Variants in AARS2 observed in about 807,000 individuals in gnomAD.
The protein encoded by AARS2 is alanyl-tRNA synthetase 2, mitochondrial.
In AARS2, 78 loss-of-function variants were observed where a neutral mutation model predicts 119.7. The observed-to-expected ratio is 0.65, with a 90% CI of 0.54 to 0.79. The LOEUF (loss-of-function observed/expected upper bound fraction) is 0.79. Ranked by LOEUF, AARS2 falls within the 30% of genes least tolerant of loss-of-function variation. The pLI, the probability that AARS2 is intolerant of heterozygous loss-of-function variation, is 0.00. For synonymous variants in AARS2, 502 were observed against 526.3 expected (o/e 0.95, Z 0.63); for missense variants, 1,157 against 1,291.3 (o/e 0.90, Z 1.59).
intron 2 of AARS2, 22 bp from the exon 3 acceptor site, chr6:44,311,557 G>T (rs751965856): frequency 1.4e-5 from 23 of 1,609,114 alleles, no homozygotes; most frequent in Non-Finnish European, 2.0e-5. Flanking sequence ...ACCAGCATGG[G>T]GTGGGGGGGG....
chr6:44,305,428 C>A lies in AARS2; in HGVS notation c.1434+225G>T, dbSNP rs1176673119. On this transcript the variant is annotated intron_variant, in intron 10 of 21. Coordinates refer to ENST00000244571, the MANE Select transcript of AARS2 (RefSeq NM_020745.4). The surrounding 1 kb of genome is among the most constrained non-coding windows in gnomAD (Gnocchi z 4.6). ...CTGCCCACTGCTGCCCCTGGAGGGC[C>A]CCTCTCCAGGAAGCTGTGCTGGCTT... Among the ~76,000 whole-genome samples, 2 of 152,166 alleles carry A rather than the reference C, an allele frequency of 1.3e-5. No homozygotes were observed. Among genetic ancestry groups the A allele is most frequent in the African/African-American group, 4.8e-5 (2 of 41,428 alleles).
chr6:44,308,845 GC>G (rs1014214033), intron 5 of AARS2, among the ~76,000 whole-genome samples: 4 of 151,850 alleles, frequency 2.6e-5, no homozygotes, highest in East Asian at 3.9e-4. Context: ...CAAGCGATCC[GC>G]CCCCCTCTGC....
intron 14 of AARS2, 45 bp from the exon 15 acceptor site, chr6:44,303,468 C>T: frequency 6.2e-7 from 1 of 1,613,538 alleles, no homozygotes; most frequent in South Asian, 1.1e-5. Context: ...TGCAGTCAGC[C>T]CCACACCTCT....
At chr6:44,302,745 G>T in intron 17 of AARS2, 57 bp downstream of exon 17, 2 of 1,537,080 alleles carry the variant, frequency 1.3e-6, no homozygotes, top group South Asian at 1.2e-5. Flanking sequence ...CATGTCACCT[G>T]CGTGTGTCCC....
intron 2 of AARS2, 54 bp from the exon 3 acceptor site, chr6:44,311,589 C>G: frequency 4.4e-6 from 7 of 1,599,166 alleles, no homozygotes; most frequent in Non-Finnish European, 6.0e-6. Flanking sequence ...GAGGGAGACC[C>G]CACTGAAGTA....
At chr6:44,306,799 G>C (rs1373369358) in intron 7 of AARS2, 124 bp downstream of exon 7, 2 of 944,980 alleles carry the variant, frequency 2.1e-6, no homozygotes, top group African/African-American at 1.6e-5. Context: ...CTGATAGGAT[G>C]CTGGGCTCGA....
At chr6:44,301,997 G>T in intron 19 of AARS2, 63 bp downstream of exon 19, 1 of 1,551,404 alleles carries the variant, frequency 6.4e-7, no homozygotes, top group South Asian at 1.1e-5. Context: ...CAGCCCTTGA[G>T]ACTTCTCAGT....
At chr6:44,300,778 CCCT>C in intron 21 of AARS2, 67 bp from the exon 22 acceptor site, 3 of 1,569,406 alleles carry the variant, frequency 1.9e-6, no homozygotes, top group Non-Finnish European at 2.6e-6. Flanking sequence ...ACTCAAGGTA[CCCT>C]CAAGAGTGGA....
intron 5 of AARS2, among the ~76,000 whole-genome samples, 157 bp downstream of exon 5, chr6:44,310,142 T>C (rs767838203): frequency 4.6e-5 from 7 of 152,352 alleles, no homozygotes; most frequent in Admixed American, 1.3e-4. Flanking sequence ...TAATAAGTAA[T>C]GAATCCTAGT....
chr6:44,306,566 A>C (rs946433497), intron 7 of AARS2, 34 bp from the exon 8 acceptor site: 2 of 1,613,748 alleles, frequency 1.2e-6, no homozygotes, highest in Non-Finnish European at 1.7e-6. Flanking sequence ...GGAGGTGTGA[A>C]AGGCAACCAA....
Position 44,306,929 on chromosome 6 carries a change from C to G in AARS2, c.1143G>C (p.Glu381Asp). The change falls in exon 7 of 22, where the codon GAG becomes GAC. Residue 381 changes from glutamate (E) to aspartate (D), a missense_variant. Transcript: ENST00000244571. ...AAAGAAGCTCTGTCCTTACCAGTGT[C>G]TCCACCACTACAGGTACCAGGCTGC... Reference protein sequence around the residue: ...FLGSLVPVVVETLGDAYPELQ... With the variant: ...FLGSLVPVVVDTLGDAYPELQ... 1.9e-6 allele frequency: 3 copies of G among 1,613,870 alleles called. No individual in the cohort carries two copies. Among genetic ancestry groups the G allele is most frequent in the Non-Finnish European group, 2.5e-6 (3 of 1,179,800 alleles).
intron 11 of AARS2, 23 bp from the exon 12 acceptor site, chr6:44,304,840 TTAG>T: frequency 6.2e-7 from 1 of 1,613,858 alleles, no homozygotes; most frequent in Non-Finnish European, 8.5e-7. Context: ...AGAATGGTTA[TTAG>T]TGGTGGGCAG....
chr6:44,309,783 C>A (rs1786191849), intron 5 of AARS2, among the ~76,000 whole-genome samples: 1 of 152,122 alleles, frequency 6.6e-6, no homozygotes, highest in Admixed American at 6.5e-5. Flanking sequence ...GTCCCCTCTG[C>A]CTGGAAAGAA....
chr6:44,309,301 C>T (rs1283269149), intron 5 of AARS2, among the ~76,000 whole-genome samples: 4 of 152,214 alleles, frequency 2.6e-5, no homozygotes, highest in African/African-American at 7.2e-5. Context: ...AGAGGAGCTG[C>T]GGCCTCTCAG....
chr6:44,306,239 C>T, intron 9 of AARS2, 41 bp downstream of exon 9: 1 of 1,597,972 alleles, frequency 6.3e-7, no homozygotes. Context: ...CTTGGTGAGT[C>T]TCAGCGAGCC....
rs752448574 is a variant in AARS2, at chr6:44,300,498, G to C, written c.*49C>G. On this transcript the variant is annotated 3_prime_UTR_variant, in exon 22 of 22. Coordinates refer to ENST00000244571, the MANE Select transcript of AARS2 (RefSeq NM_020745.4). ...GGGAAGGTTCTGCTGGCTCCTTCAGGGCTCCTGGCATTGCCTTTAGTCCAT... is the reference window on the plus strand; with the variant it reads ...GGGAAGGTTCTGCTGGCTCCTTCAGCGCTCCTGGCATTGCCTTTAGTCCAT... The C allele has an allele frequency of 2.7e-5, 44 of 1,612,606 alleles. No individual in the cohort carries two copies. The highest frequency in any genetic ancestry group is 3.6e-5 in the Non-Finnish European group (42 of 1,179,468).
chr6:44,303,160 C>T lies in AARS2; in HGVS notation c.2161G>A (p.Val721Met). 6.2e-7 allele frequency: 1 copy of T among 1,614,194 alleles called. No individual in the cohort carries two copies. The highest frequency in any genetic ancestry group is 8.5e-7 in the Non-Finnish European group (1 of 1,180,030). ...RSLDEVYPDP[V>M]RVVSVGVPVA... ...GGCACCCCCACTGATACCACCCGCA[C>T]AGGGTCTGGGTAAACCTGAGGTCAA... is the stretch of plus-strand genomic sequence containing the variant. The change falls in exon 16 of 22, where the codon GTG becomes ATG. Residue 721 changes from valine (V) to methionine (M), a missense_variant. By Grantham distance (21) the Val-to-Met change is conservative. Transcript: ENST00000244571.
Position 44,311,153 on chromosome 6 carries a change from G to A in AARS2, c.590C>T (p.Ala197Val). The A allele has an allele frequency of 1.2e-6, 2 of 1,614,142 alleles. No homozygotes were observed. The highest frequency in any genetic ancestry group is 1.7e-6 in the Non-Finnish European group (2 of 1,180,046). ...RDIWLSLGVP[A>V]SRVLSFGPQE... ...TGGTCCAAAGGAAAGCACACGGCTA[G>A]CAGGCACCCTGGGGAGAAAAGCAGG... The change falls in exon 4 of 22, where the codon GCT becomes GTT. Residue 197 changes from alanine to valine, a missense_variant. By Grantham distance (64) the Ala-to-Val change is moderately conservative (BLOSUM62 0). Transcript: ENST00000244571.
chr6:44,302,771 C>T, intron 17 of AARS2, 31 bp downstream of exon 17: 1 of 1,599,156 alleles, frequency 6.3e-7, no homozygotes, highest in Non-Finnish European at 8.5e-7. Context: ...CCCACTCAAC[C>T]CAGAAGTCCC....
Sources: allele counts gnomAD v4.1 joint callset (sites outside exome capture counted in the v4.1 genomes callset), GRCh38; gene constraint gnomAD v4.1.1; non-coding constraint Gnocchi (gnomAD v3.1); transcripts MANE v1.5; gene names NCBI Gene and HGNC (gene_info 2026-07-23, HGNC 2026-07-21).